C3AR1: variants seen among roughly 807,000 people sequenced by gnomAD.
C3AR1 encodes C3a anaphylatoxin chemotactic receptor.
For synonymous variants in C3AR1, 208 were observed against 225.3 expected, an observed-to-expected ratio of 0.92 and a Z score of 0.69; for missense variants, 579 against 583.5, an observed-to-expected ratio of 0.99 and a Z score of 0.08.
At chr12:8,065,272 T>C (rs759524769) in intron 1 of C3AR1, among the ~76,000 whole-genome samples, 1 of 151,990 alleles carries the variant, frequency 6.6e-6, no homozygotes, top group Non-Finnish European at 1.5e-5. Context: ...TTAATAAAAA[T>C]AGAGTTATCT....
intron 1 of C3AR1, among the ~76,000 whole-genome samples, chr12:8,062,810 A>AT (rs775044694): frequency 1.1e-4 from 16 of 149,774 alleles, no homozygotes; most frequent in East Asian, 6.0e-4. Context: ...TGCCCGGCTA[A>AT]TTTTTTTTTG....
rs112436601 is a variant in C3AR1 at position 8,058,608 on chromosome 12, G to A, written c.*129C>T. 69 of 1,045,378 alleles carry A rather than the reference G, an allele frequency of 6.6e-5. No individual in the cohort carries two copies. Among genetic ancestry groups the A allele is most frequent in the Non-Finnish European group, 8.8e-5 (63 of 713,408 alleles). The allele number at this position is 1,045,378 out of a possible 1,614,324, so 64.8% of individuals were successfully genotyped here. ...TGCTGATGTCAATAGTCTGTGTACC[G>A]TTTGAGAACCGCTGGATTGATTCTT... On this transcript the variant is annotated 3_prime_UTR_variant, in exon 2 of 2. Coordinates refer to ENST00000307637, the MANE Select transcript of C3AR1 (RefSeq NM_004054.4).
chr12:8,059,799 C>T lies in C3AR1; in HGVS notation c.387G>A (p.Trp129Ter). 6.2e-7 allele frequency: 1 copy of T among 1,614,092 alleles called. No homozygotes were observed. The highest frequency in any genetic ancestry group is 8.5e-7 in the Non-Finnish European group (1 of 1,180,002). ...DRCLVVFKPI[W>*]CQNHRNVGMA... ...TCCCTACATTGCGATGATTCTGACACCAGATTGGCTTGAATACCACAAGAC... is the reference window on the plus strand; with the variant it reads ...TCCCTACATTGCGATGATTCTGACATCAGATTGGCTTGAATACCACAAGAC... Residue 129 changes from tryptophan (W) to a stop codon, truncating the protein, a stop_gained, in exon 2 of 2, where the codon TGG (tryptophan) becomes TGA (stop). Coordinates refer to ENST00000307637, the MANE Select transcript of C3AR1 (RefSeq NM_004054.4). LOFTEE classifies it low-confidence loss of function (END_TRUNC).
chr12:8,057,929 T>G lies in C3AR1; in HGVS notation c.*808A>C, dbSNP rs968415020. On this transcript the variant is annotated 3_prime_UTR_variant, in exon 2 of 2. Coordinates refer to ENST00000307637, the MANE Select transcript of C3AR1 (RefSeq NM_004054.4). ...TGGAGGCTGGGGAGTAATAAGGAAA[T>G]TAAGGAGCTTAGGAAGAGGAGTGGA... 6.6e-6 allele frequency among the ~76,000 whole-genome samples: 1 copy of G among 152,076 alleles called. No individual in the cohort carries two copies. The highest frequency in any genetic ancestry group is 1.5e-5 in the Non-Finnish European group (1 of 68,004).
At position 8,059,336 on chromosome 12, in the gene C3AR1, C is replaced by G. The variant is rs1480512163; in HGVS notation, c.850G>C (p.Asp284His). 1 of 1,614,190 alleles carries G rather than the reference C, an allele frequency of 6.2e-7. No homozygotes were observed. The highest frequency in any genetic ancestry group is 1.1e-5 in the South Asian group (1 of 91,084). Residue 284 changes from aspartate (D) to histidine (H), a missense_variant, in exon 2 of 2, where the codon GAT becomes CAT. By Grantham distance (81) the Asp-to-His change is moderately conservative. Transcript: ENST00000307637. ...PIEDHETSPL[D>H]NSDAFLSTHL... ...GTAGAGAGAAAAGCATCAGAGTTAT[C>G]CAGTGGGCTGGTTTCGTGATCTTCA...
intron 1 of C3AR1, among the ~76,000 whole-genome samples, chr12:8,065,118 G>A (rs1253859152): frequency 5.4e-5 from 8 of 147,960 alleles, no homozygotes; most frequent in African/African-American, 2.0e-4. Flanking sequence ...TCAGGTCCGA[G>A]GACTGTTAGG....
intron 1 of C3AR1, among the ~76,000 whole-genome samples, chr12:8,062,755 C>T (rs1370553879): frequency 1.3e-5 from 2 of 152,122 alleles, no homozygotes; most frequent in African/African-American, 2.4e-5. Context: ...AGTGATTCTC[C>T]TGCCTCAGCC....
rs1947221914 is a variant in C3AR1, at chr12:8,058,677, C to G, written c.*60G>C. On this transcript the variant is annotated 3_prime_UTR_variant, in exon 2 of 2. Transcript: ENST00000307637. ...GCTGCTCACCATATCACTTCATCCT[C>G]TTATAAACTTTCACTATGTGATTGC... 27 of 1,531,634 alleles carry G rather than the reference C, an allele frequency of 1.8e-5. No individual in the cohort carries two copies. Among genetic ancestry groups the G allele is most frequent in the Middle Eastern group, 2.4e-4 (1 of 4,112 alleles). The allele number at this position is 1,531,634 out of a possible 1,614,324, so 94.9% of individuals were successfully genotyped here.
chr12:8,063,798 G>A (rs959490238), intron 1 of C3AR1, among the ~76,000 whole-genome samples: 8 of 152,170 alleles, frequency 5.3e-5, no homozygotes, highest in African/African-American at 1.4e-4. Context: ...AAGGCTGGGC[G>A]CAGTGGCTCA....
Position 8,060,251 on chromosome 12 carries a change from C to CTTTTTGA in C3AR1, c.-10-57_-10-56insTCAAAAA, listed in dbSNP as rs1402494431. The CTTTTTGA allele has an allele frequency of 3.8e-6, 5 of 1,327,830 alleles. No homozygotes were observed. In the African/African-American group the frequency reaches 5.9e-5, roughly 16 times the overall value. 82.3% of individuals were successfully genotyped at this position (1,327,830 alleles called of 1,614,324 possible). ...AACAGTATCTTTTTGAAAATGCATA[C>CTTTTTGA]ATATTCTTAGGATTCTAATCTTCCC... is the stretch of plus-strand genomic sequence containing the variant. On this transcript the variant is annotated intron_variant, in intron 1 of 1. Transcript: ENST00000307637.
Position 8,059,916 on chromosome 12 carries a change from G to T in C3AR1, c.270C>A (p.Tyr90Ter). Reference protein sequence around the residue: ...AHLALQGQWPYGRFLCKLIPS... With the variant: ...AHLALQGQWP ...GGATGAGCTTGCATAGGAACCTGCCGTAGGGCCACTGTCCCTGGAGAGCCA... is the reference window on the plus strand; with the variant it reads ...GGATGAGCTTGCATAGGAACCTGCCTTAGGGCCACTGTCCCTGGAGAGCCA... Residue 90 changes from tyrosine (Y) to a stop codon, truncating the protein, a stop_gained, in exon 2 of 2, where the codon TAC (tyrosine) becomes TAA (stop). Transcript: ENST00000307637. LOFTEE classifies it low-confidence loss of function (END_TRUNC). 2 of 1,614,188 alleles carry T rather than the reference G, an allele frequency of 1.2e-6. No homozygotes were observed. The highest frequency in any genetic ancestry group is 1.7e-6 in the Non-Finnish European group (2 of 1,180,030).
Position 8,059,453 on chromosome 12 carries a change from C to A in C3AR1, c.733G>T (p.Gly245Cys), listed in dbSNP as rs1253412633. 1.2e-6 allele frequency: 2 copies of A among 1,613,902 alleles called. No homozygotes were observed. The highest frequency in any genetic ancestry group is 1.3e-5 in the African/African-American group (1 of 75,000). The change falls in exon 2 of 2, where the codon GGT becomes TGT. Residue 245 changes from glycine to cysteine, a missense_variant. Coordinates refer to ENST00000307637, the MANE Select transcript of C3AR1 (RefSeq NM_004054.4). The part of the protein sequence containing the change: ...QRPSADSLPR[G>C]SARLTSQNLY... The stretch of plus-strand genomic sequence containing the variant: ...TTTTGACTTGTTAACCTAGCAGAAC[C>A]CCTAGGGAGTGAATCTGCAGAAGGT...
chr12:8,063,159 T>C (rs1947294486), intron 1 of C3AR1, among the ~76,000 whole-genome samples: 1 of 151,390 alleles, frequency 6.6e-6, no homozygotes, highest in African/African-American at 2.4e-5. Flanking sequence ...GGTTTCACCA[T>C]GTTAGCCAGG....
intron 1 of C3AR1, among the ~76,000 whole-genome samples, chr12:8,061,057 A>C (rs1031984279): frequency 6.6e-6 from 1 of 152,192 alleles, no homozygotes; most frequent in Non-Finnish European, 1.5e-5. Context: ...CCACAGAAAG[A>C]GGTACTCTAG....
At chr12:8,060,231 T>C in intron 1 of C3AR1, 36 bp from the exon 2 acceptor site, 1 of 1,494,990 alleles carries the variant, frequency 6.7e-7, no homozygotes, top group Non-Finnish European at 9.1e-7. Flanking sequence ...AAACAAACAG[T>C]ATCTTTTTGA....
chr12:8,058,661 C>G lies in C3AR1; in HGVS notation c.*76G>C. ...ACAGTTTTTGAAGTCCGCTGCTCACCATATCACTTCATCCTCTTATAAACT... is the reference window on the plus strand; with the variant it reads ...ACAGTTTTTGAAGTCCGCTGCTCACGATATCACTTCATCCTCTTATAAACT... On this transcript the variant is annotated 3_prime_UTR_variant, in exon 2 of 2. Transcript: ENST00000307637. 1 of 1,476,914 alleles carries G rather than the reference C, an allele frequency of 6.8e-7. No individual in the cohort carries two copies. Among genetic ancestry groups the G allele is most frequent in the Non-Finnish European group, 9.1e-7 (1 of 1,093,526 alleles). The allele number at this position is 1,476,914 out of a possible 1,614,324, so 91.5% of individuals were successfully genotyped here.
intron 1 of C3AR1, among the ~76,000 whole-genome samples, chr12:8,062,416 C>T (rs941833068): frequency 2.6e-5 from 4 of 152,134 alleles, no homozygotes; most frequent in Admixed American, 1.3e-4. Flanking sequence ...GATTCTTCCT[C>T]GGCCTCCCGA....
At chr12:8,065,913 T>C (rs1947326083) in intron 1 of C3AR1, among the ~76,000 whole-genome samples, 1 of 148,320 alleles carries the variant, frequency 6.7e-6, no homozygotes, top group Admixed American at 6.7e-5. Context: ...CAATAAGGAA[T>C]GGGCAAAAGA....
chr12:8,065,431 A>T lies in C3AR1; in HGVS notation c.-11+847T>A, dbSNP rs576352844. Among the ~76,000 whole-genome samples, 28 of 152,054 alleles carry T rather than the reference A, an allele frequency of 1.8e-4. No homozygotes were observed. In the South Asian group the frequency reaches 4.2e-3, roughly 23 times the overall value. Reference sequence around the variant, plus strand: ...TTTGGGAGGCAGAGGCGGGTAGATCACCTGAGGTCAGGAGTTTGAGACCAA... The same window carrying T: ...TTTGGGAGGCAGAGGCGGGTAGATCTCCTGAGGTCAGGAGTTTGAGACCAA... On this transcript the variant is annotated intron_variant, in intron 1 of 1. Coordinates refer to ENST00000307637, the MANE Select transcript of C3AR1 (RefSeq NM_004054.4).
Sources: gnomAD v4.1 joint callset for allele counts (sites outside exome capture counted in the v4.1 genomes callset) on GRCh38, gnomAD v4.1.1 for gene constraint, MANE v1.5 for transcripts, NCBI Gene and HGNC (gene_info 2026-07-23, HGNC 2026-07-21) for gene names.